The following SH3KBP1 variants were observed in gnomAD, a reference collection of about 807,000 sequenced individuals.
SH3KBP1 encodes SH3 domain-containing kinase-binding protein 1.
SH3KBP1 carries 8 observed loss-of-function variants against 50.1 expected under a neutral mutation model. That is an observed-to-expected ratio of 0.16 (90% confidence interval 0.09 to 0.29). The LOEUF (loss-of-function observed/expected upper bound fraction) is 0.29, where lower values mean the gene tolerates loss of function less well. SH3KBP1 is among the 10% of genes least tolerant of loss of function. The probability of loss-of-function intolerance (pLI) is 1.00; values close to 1 mark genes in which losing one functional copy is unlikely to be tolerated. For missense variants in SH3KBP1, 377 were observed against 535.2 expected, an observed-to-expected ratio of 0.70 and a Z score of 2.92; for synonymous variants, 227 against 218.6, an observed-to-expected ratio of 1.04 and a Z score of -0.34.
At chrX:19,703,696 C>CTGTGTGTGTG (rs56915755) in intron 4 of SH3KBP1, among the ~76,000 whole-genome samples, 53 of 63,503 alleles carry the variant, frequency 8.3e-4, no homozygotes, top group Admixed American at 1.4e-3. Flanking sequence ...AAAAGAGAAA[C>CTGTGTGTGTG]TGTGTGTGTG....
At chrX:19,599,995 C>T (rs1472231617) in intron 9 of SH3KBP1, among the ~76,000 whole-genome samples, 10 of 104,723 alleles carry the variant, frequency 9.5e-5, no homozygotes, top group South Asian at 4.4e-4. Context: ...ATTAGCCGGG[C>T]GCGGTGGCAG....
At chrX:19,703,243 G>A (rs780421802) in intron 4 of SH3KBP1, among the ~76,000 whole-genome samples, 1 of 111,866 alleles carries the variant, frequency 8.9e-6, no homozygotes, top group Non-Finnish European at 1.9e-5. Flanking sequence ...CACACATTTG[G>A]TTAAATTGCA....
chrX:19,658,050 G>A (rs1385399121), intron 6 of SH3KBP1, among the ~76,000 whole-genome samples: 2 of 111,305 alleles, frequency 1.8e-5, no homozygotes, highest in East Asian at 2.8e-4. Flanking sequence ...ACTTAAAAAC[G>A]GCTAAGCTGC....
chrX:19,709,712 T>C (rs184238125), intron 3 of SH3KBP1, among the ~76,000 whole-genome samples: 1 of 111,984 alleles, frequency 8.9e-6, no homozygotes, highest in East Asian at 2.8e-4. Flanking sequence ...GCCTCAACTA[T>C]AGCCTGTCAC....
intron 1 of SH3KBP1, among the ~76,000 whole-genome samples, chrX:19,854,468 G>C (rs1372155528): frequency 1.1e-4 from 12 of 111,619 alleles, no homozygotes; most frequent in African/African-American, 3.6e-4. Context: ...AAACAAGCTG[G>C]ACTCACCAGT....
Position 19,728,856 on chromosome X carries a change from C to T in SH3KBP1, c.286+17462G>A, listed in dbSNP as rs144277743. ...AGTTATGTTCTGATGAAGATAGGAA[C>T]AAAAGCTTTTAGAAACCATGCCCAG... On this transcript the variant is annotated intron_variant, in intron 3 of 17. Transcript: ENST00000397821. 7.5e-3 allele frequency among the ~76,000 whole-genome samples: 840 copies of T among 112,254 alleles called. 8 individuals carry two copies. Among genetic ancestry groups the T allele is most frequent in the African/African-American group, 0.025 (778 of 30,845 alleles).
intron 2 of SH3KBP1, among the ~76,000 whole-genome samples, chrX:19,793,018 A>G (rs1323487525): frequency 9.1e-6 from 1 of 110,481 alleles, no homozygotes; most frequent in Non-Finnish European, 1.9e-5. Context: ...CATCTGGGCC[A>G]GGCATGGGTG....
intron 1 of SH3KBP1, among the ~76,000 whole-genome samples, chrX:19,846,598 G>A (rs1043211023): frequency 1.8e-5 from 2 of 111,799 alleles, no homozygotes; most frequent in Non-Finnish European, 3.8e-5. Flanking sequence ...TTCTCAGTGA[G>A]AAGATCCAAA....
At position 19,537,253 on chromosome X, in the gene SH3KBP1, T is replaced by A. The variant is rs750331502; in HGVS notation, c.1956+464A>T. On this transcript the variant is annotated intron_variant, in intron 17 of 17. Transcript: ENST00000397821. ...AGGAGGATCACCTGAGGTCAGGAGA[T>A]CGAGACCATCCTGGCTAACACAGTG... Among the ~76,000 whole-genome samples, 3 of 110,788 alleles carry A rather than the reference T, an allele frequency of 2.7e-5. No homozygotes were observed. In the East Asian group the frequency reaches 8.5e-4, roughly 31 times the overall value.
At chrX:19,716,318 G>A (rs1322108633) in intron 3 of SH3KBP1, among the ~76,000 whole-genome samples, 1 of 112,039 alleles carries the variant, frequency 8.9e-6, no homozygotes, top group African/African-American at 3.3e-5. Context: ...GGCTGTACCT[G>A]GACTGTTGCA....
intron 15 of SH3KBP1, among the ~76,000 whole-genome samples, chrX:19,545,333 T>C (rs2065053641): frequency 8.9e-6 from 1 of 112,465 alleles, no homozygotes; most frequent in Non-Finnish European, 1.9e-5. Context: ...TTACATGCAG[T>C]AGCTAAAAGT....
intron 3 of SH3KBP1, among the ~76,000 whole-genome samples, chrX:19,729,338 C>T (rs889373155): frequency 1.1e-4 from 12 of 112,534 alleles, no homozygotes; most frequent in Non-Finnish European, 2.3e-4. Flanking sequence ...TGAGTTCATA[C>T]ATCAATGTGA....
chrX:19,866,972 T>G (rs2068926806), intron 1 of SH3KBP1, among the ~76,000 whole-genome samples: 1 of 110,573 alleles, frequency 9.0e-6, no homozygotes, highest in African/African-American at 3.3e-5. Context: ...ATAGCCAACA[T>G]GCACTCGAGC....
In SH3KBP1 at chrX:19,598,198, C is replaced by A. The variant is rs747049321; in HGVS notation, c.1006-3198G>T. 2.2e-4 allele frequency among the ~76,000 whole-genome samples: 24 copies of A among 111,123 alleles called. No homozygotes were observed. The East Asian group carries it at 6.2e-3, about 29-fold the overall frequency. ...GGTTTGATCTTCTATTCAGACCACTCAAACTTTCTCCATATCATCAGCAAG... is the reference window on the plus strand; with the variant it reads ...GGTTTGATCTTCTATTCAGACCACTAAAACTTTCTCCATATCATCAGCAAG... On this transcript the variant is annotated intron_variant, in intron 9 of 17. Transcript: ENST00000397821.
At chrX:19,645,335 C>T in intron 7 of SH3KBP1, 65 bp downstream of exon 7, 2 of 894,503 alleles carry the variant, frequency 2.2e-6, no homozygotes, top group Non-Finnish European at 1.6e-6. Context: ...TTCTAAAAAA[C>T]ATTTCTGTTA....
Position 19,643,308 on chromosome X carries a change from TTTTTTTTTTTTTTA to T in SH3KBP1, c.802+2078_802+2091del, listed in dbSNP as rs1418898582. 2.0e-3 allele frequency among the ~76,000 whole-genome samples: 164 copies of T among 82,029 alleles called. 9 individuals are homozygous for T. The highest frequency in any genetic ancestry group is 0.01 in the African/African-American group (150 of 14,425). The allele number at this position is 82,029 out of a possible 115,157, so 71.2% of individuals were successfully genotyped here. ...TGGGCTGAAACTGAAGAATTTTTTA[TTTTTTTTTTTTTTA>T]TTTTTTTTTTTTTTTGAGACAGGGT... On this transcript the variant is annotated intron_variant, in intron 7 of 17. Coordinates refer to ENST00000397821, the MANE Select transcript of SH3KBP1 (RefSeq NM_031892.3).
chrX:19,868,495 T>C (rs1160604540), intron 1 of SH3KBP1, among the ~76,000 whole-genome samples: 1 of 108,737 alleles, frequency 9.2e-6, no homozygotes, highest in Non-Finnish European at 1.9e-5. Flanking sequence ...TTAAAATATA[T>C]CCACAGCCAT....
chrX:19,543,082 C>T (rs547792608), intron 15 of SH3KBP1, among the ~76,000 whole-genome samples: 3 of 111,558 alleles, frequency 2.7e-5, no homozygotes, highest in African/African-American at 9.8e-5. Context: ...AGTGATGTGG[C>T]GAAGGCAAGC....
At position 19,778,723 on chromosome X, in the gene SH3KBP1, G is replaced by T. The variant is rs930502729; in HGVS notation, c.163-32282C>A. Among the ~76,000 whole-genome samples, 3 of 110,768 alleles carry T rather than the reference G, an allele frequency of 2.7e-5. No homozygotes were observed. In the Admixed American group the frequency reaches 2.9e-4, roughly 11 times the overall value. ...CCATGACTGACTTTCCACCTATGAG[G>T]AGTAGTGTGCTACAGATAGTTGAAG... On this transcript the variant is annotated intron_variant, in intron 2 of 17. Transcript: ENST00000397821.
Sources: allele counts gnomAD v4.1 joint callset (sites outside exome capture counted in the v4.1 genomes callset), GRCh38; gene constraint gnomAD v4.1.1; transcripts MANE v1.5; gene names NCBI Gene and HGNC (gene_info 2026-07-23, HGNC 2026-07-21).